Variants in AGFG1 observed in about 807,000 individuals in gnomAD.
AGFG1 encodes the protein arf-GAP domain and FG repeat-containing protein 1.
Under a neutral mutation model 60.6 loss-of-function variants are expected in AGFG1, and 10 were observed. The observed-to-expected ratio is 0.16, with a 90% CI of 0.10 to 0.28. The LOEUF is 0.28. AGFG1 is among the 10% of genes least tolerant of loss of function. AGFG1 has a pLI of 1.00. For missense variants in AGFG1, 537 were observed against 676.5 expected, an observed-to-expected ratio of 0.79 and a Z score of 2.29; for synonymous variants, 247 against 242.9, an observed-to-expected ratio of 1.02 and a Z score of -0.16.
intron 10 of AGFG1, among the ~76,000 whole-genome samples, chr2:227,541,445 A>C (rs996835540): frequency 2.6e-5 from 4 of 152,230 alleles, no homozygotes; most frequent in Non-Finnish European, 4.4e-5. Flanking sequence ...CGTTTCTTAA[A>C]TAGTGAATCC....
intron 1 of AGFG1, among the ~76,000 whole-genome samples, chr2:227,473,093 A>G (rs1690161728): frequency 7.5e-6 from 1 of 133,856 alleles, no homozygotes; most frequent in East Asian, 2.7e-4. Context: ...GGTCGGGGAG[A>G]AGCTGGGGTG....
In AGFG1 at chr2:227,552,094, C is replaced by G; in HGVS notation, c.1514C>G (p.Thr505Arg). The change falls in exon 11 of 13, where the codon ACA becomes AGA. Residue 505 changes from threonine (T) to arginine (R), a missense_variant. This residue lies in a region of AGFG1 where 287 missense variants were observed against 343.6 expected (regional missense o/e 0.84). Coordinates refer to ENST00000310078, the MANE Select transcript of AGFG1 (RefSeq NM_004504.5). ...FPAQAAFPQQ[T>R]AFSQQPNGAG... ...GCCCAAGCAGCTTTCCCTCAACAGA[C>G]AGCTTTTTCTCAACAGCCCAATGGT... 1 of 1,614,192 alleles carries G rather than the reference C, an allele frequency of 6.2e-7. No homozygotes were observed. Among genetic ancestry groups the G allele is most frequent in the Non-Finnish European group, 8.5e-7 (1 of 1,180,024 alleles).
intron 2 of AGFG1, among the ~76,000 whole-genome samples, chr2:227,511,569 A>C (rs1178330919): frequency 2.6e-5 from 4 of 152,180 alleles, no homozygotes; most frequent in African/African-American, 9.6e-5. Context: ...GGATCAGTGA[A>C]TTTATTATTT....
In AGFG1 at chr2:227,556,623, A is replaced by G. The variant is rs1271278154; in HGVS notation, c.*2128A>G. On this transcript the variant is annotated 3_prime_UTR_variant, in exon 13 of 13. Coordinates refer to ENST00000310078, the MANE Select transcript of AGFG1 (RefSeq NM_004504.5). ...CAGACCATTACCCAAATATCCTACC[A>G]GGCTTTCCATCTGAATAGTAAATTA... The G allele has an allele frequency of 1.3e-5, 2 of 152,660 alleles. No individual in the cohort carries two copies. The highest frequency in any genetic ancestry group is 4.8e-5 in the African/African-American group (2 of 41,466). 9.5% of individuals were successfully genotyped at this position (152,660 alleles called of 1,614,324 possible). A position where few individuals can be genotyped will look rare whatever the true frequency, so the allele number is the denominator to read the frequency against.
In AGFG1 at chr2:227,520,040, A is replaced by G; in HGVS notation, c.354A>G (p.Gln118=). Residue 118 remains glutamine (Q), a synonymous_variant, in exon 3 of 13, where the codon CAA becomes CAG. Transcript: ENST00000310078. ...RDPQKVKEFL[Q]EKYEKKRWYV... is the part of the protein sequence containing the mutation. ...CACAAAAAGTGAAAGAGTTTCTACA[A>G]GAAAAGTATGAAAAGAAAAGATGGT... The G allele has an allele frequency of 6.3e-7, 1 of 1,579,758 alleles. No individual in the cohort carries two copies. The highest frequency in any genetic ancestry group is 1.2e-5 in the South Asian group (1 of 85,072).
chr2:227,475,351 A>T (rs1690250654), intron 1 of AGFG1, among the ~76,000 whole-genome samples: 1 of 152,186 alleles, frequency 6.6e-6, no homozygotes. Flanking sequence ...ACAACTGGAC[A>T]CATGTTCTAA....
intron 5 of AGFG1, among the ~76,000 whole-genome samples, chr2:227,527,315 ATTGT>A (rs566910401): frequency 1.3e-3 from 194 of 152,308 alleles, no homozygotes; most frequent in African/African-American, 3.6e-3. Context: ...TACAATAAAC[ATTGT>A]TTGTCTTCTC....
chr2:227,519,525 C>T (rs1691766483), intron 2 of AGFG1, among the ~76,000 whole-genome samples: 1 of 152,052 alleles, frequency 6.6e-6, no homozygotes, highest in South Asian at 2.1e-4. Flanking sequence ...TTTATTGTTA[C>T]AATTTTAAAG....
intron 2 of AGFG1, among the ~76,000 whole-genome samples, chr2:227,492,275 A>G (rs570424341): frequency 1.3e-5 from 2 of 152,114 alleles, no homozygotes; most frequent in African/African-American, 4.8e-5. Context: ...AAATTTTTCT[A>G]ATATTTTTAA....
chr2:227,510,768 TG>T (rs774480688), intron 2 of AGFG1: 1 of 152,338 alleles, frequency 6.6e-6, no homozygotes, highest in Admixed American at 6.5e-5. Flanking sequence ...AAATAAGGTA[TG>T]GGTATGTGAG....
chr2:227,544,867 C>G (rs918746835), intron 10 of AGFG1, among the ~76,000 whole-genome samples: 2 of 152,118 alleles, frequency 1.3e-5, no homozygotes, highest in African/African-American at 4.8e-5. Context: ...GTAGCCCGAC[C>G]TTTCTCTCTG....
intron 2 of AGFG1, among the ~76,000 whole-genome samples, chr2:227,503,883 T>C (rs538594101): frequency 4.6e-5 from 7 of 152,368 alleles, no homozygotes; most frequent in South Asian, 2.1e-4. Flanking sequence ...ATAATTACTT[T>C]GCTCTTTTAT....
At chr2:227,541,413 G>A (rs1401196953) in intron 10 of AGFG1, among the ~76,000 whole-genome samples, 2 of 152,136 alleles carry the variant, frequency 1.3e-5, no homozygotes, top group Non-Finnish European at 1.5e-5. Context: ...TTCTACATGT[G>A]GCTAGCCAGT....
intron 10 of AGFG1, among the ~76,000 whole-genome samples, chr2:227,547,647 T>G (rs1260537754): frequency 1.3e-5 from 2 of 152,166 alleles, no homozygotes; most frequent in African/African-American, 4.8e-5. Flanking sequence ...AATAGACATT[T>G]CTCTAAGAAG....
chr2:227,540,883 C>T (rs1475547607), intron 10 of AGFG1, among the ~76,000 whole-genome samples: 1 of 152,156 alleles, frequency 6.6e-6, no homozygotes, highest in Admixed American at 6.5e-5. Flanking sequence ...TTAATGATCA[C>T]CATTCTAACT....
intron 1 of AGFG1, among the ~76,000 whole-genome samples, chr2:227,488,605 A>G (rs1222445527): frequency 6.6e-6 from 1 of 152,260 alleles, no homozygotes; most frequent in African/African-American, 2.4e-5. Context: ...GTGAGAAGGA[A>G]GGAGTAGAGG....
In AGFG1 at chr2:227,472,363, C is replaced by T. The variant is rs933629058; in HGVS notation, c.-59C>T. ...AGGGCGGCCCGTGGGACCGCGGGCC[C>T]CCGGCGCAGCGCTGCCCGGCTCCCG... On this transcript the variant is annotated 5_prime_UTR_variant, in exon 1 of 13. Transcript: ENST00000310078. 34 of 1,054,258 alleles carry T rather than the reference C, an allele frequency of 3.2e-5. No homozygotes were observed. The highest frequency in any genetic ancestry group is 3.6e-5 in the Non-Finnish European group (31 of 868,058). 65.3% of individuals were successfully genotyped at this position (1,054,258 alleles called of 1,614,324 possible).
At chr2:227,541,044 TTTGA>T (rs1336809534) in intron 10 of AGFG1, among the ~76,000 whole-genome samples, 1 of 152,196 alleles carries the variant, frequency 6.6e-6, no homozygotes, top group Admixed American at 6.5e-5. Context: ...GATAGGGTTG[TTTGA>T]TTTTTTTTCT....
rs374995719 is a variant in AGFG1, at chr2:227,478,352, T to C, written c.167+5764T>C. Among the ~76,000 whole-genome samples, 67 of 152,044 alleles carry C rather than the reference T, an allele frequency of 4.4e-4. No individual in the cohort carries two copies. The South Asian group carries it at 6.2e-3, about 14-fold the overall frequency. On this transcript the variant is annotated intron_variant, in intron 1 of 12. Coordinates refer to ENST00000310078, the MANE Select transcript of AGFG1 (RefSeq NM_004504.5). ...GTTTTTTTGTTTGTTTGGGTTTTGT[T>C]GTTGGTTTGAGACAGGGTCTCACTC... is the stretch of plus-strand genomic sequence containing the variant.
Sources: allele counts gnomAD v4.1 joint callset (sites outside exome capture counted in the v4.1 genomes callset), GRCh38; gene constraint gnomAD v4.1.1; regional missense constraint gnomAD v4.1.1; transcripts MANE v1.5; gene names NCBI Gene and HGNC (gene_info 2026-07-23, HGNC 2026-07-21).